BOC: variants seen among roughly 807,000 people sequenced by gnomAD.
BOC encodes BOC cell adhesion associated, oncogene regulated.
Under a neutral mutation model 112.0 loss-of-function variants are expected in BOC, and 76 were observed. The observed-to-expected ratio is 0.68, with a 90% CI of 0.56 to 0.82. BOC has a LOEUF of 0.82. BOC is among the 40% of genes least tolerant of loss of function. The pLI is 0.00. For synonymous variants in BOC, 580 were observed against 599.8 expected (o/e 0.97, Z 0.48); for missense variants, 1,309 against 1,511.7 (o/e 0.87, Z 2.22).
chr3:113,286,643 A>G (rs1949725531), intron 19 of BOC, 32 bp from the exon 20 acceptor site: 1 of 1,513,120 alleles, frequency 6.6e-7, no homozygotes, highest in Admixed American at 2.1e-5. Flanking sequence ...GTCAATCTGG[A>G]TTTTAATGGT....
intron 2 of BOC, among the ~76,000 whole-genome samples, chr3:113,235,608 G>C (rs769808949): frequency 1.3e-5 from 2 of 152,176 alleles, no homozygotes; most frequent in Non-Finnish European, 2.9e-5. Context: ...AGTGGGGGAA[G>C]GTGAAGAGGT....
At chr3:113,262,310 C>T (rs527662808) in intron 4 of BOC, among the ~76,000 whole-genome samples, 57 of 152,342 alleles carry the variant, frequency 3.7e-4, no homozygotes, top group African/African-American at 1.3e-3. Flanking sequence ...GAGAACACCA[C>T]GCTTGTGAAT....
chr3:113,255,499 A>G lies in BOC; in HGVS notation c.376+4666A>G, dbSNP rs115882990. ...ACTTTTAAGATTTTTTGATAATTTT[A>G]TTCTCCCAATTCTCCCATCATCCCT... On this transcript the variant is annotated intron_variant, in intron 4 of 19. Transcript: ENST00000682979. 5.8e-3 allele frequency among the ~76,000 whole-genome samples: 885 copies of G among 152,302 alleles called. 5 individuals are homozygous for G. The highest frequency in any genetic ancestry group is 0.02 in the African/African-American group (814 of 41,574).
chr3:113,283,499 G>C lies in BOC; in HGVS notation c.2523G>C (p.Pro841=). 1 of 1,614,006 alleles carries C rather than the reference G, an allele frequency of 6.2e-7. No individual in the cohort carries two copies. Among genetic ancestry groups the C allele is most frequent in the Non-Finnish European group, 8.5e-7 (1 of 1,179,998 alleles). ...QPPLPETIER[P]VGTGAMVARS... ...CCCTTCCTGAAACCATAGAGCGGCC[G>C]GTGGGCACTGGGGCCATGGTGGCTC... Residue 841 remains proline (P), a synonymous_variant, in exon 16 of 20, where the codon CCG becomes CCC. Coordinates refer to ENST00000682979, the MANE Select transcript of BOC (RefSeq NM_001378074.1).
intron 4 of BOC, among the ~76,000 whole-genome samples, chr3:113,255,063 G>A (rs878952805): frequency 5.3e-5 from 8 of 152,028 alleles, no homozygotes; most frequent in African/African-American, 1.7e-4. Flanking sequence ...TGCCCATCTC[G>A]CTGTCCTCTG....
In BOC at chr3:113,274,833, T is replaced by C. The variant is rs1010086477; in HGVS notation, c.1542+151T>C. ...AAACAGGCCCTTCTGTCTCCTCCAG[T>C]GTCCATCCCTGCCACCTCCCAGGAA... On this transcript the variant is annotated intron_variant, in intron 9 of 19. Transcript: ENST00000682979. This position sits in a 1 kb window ranked among gnomAD's most constrained non-coding sequence, Gnocchi z 4.8. The C allele has an allele frequency of 5.0e-6, 4 of 801,388 alleles. No individual in the cohort carries two copies. Among genetic ancestry groups the C allele is most frequent in the African/African-American group, 3.5e-5 (2 of 57,360 alleles). The allele number at this position is 801,388 out of a possible 1,614,324, so 49.6% of individuals were successfully genotyped here. A position where few individuals can be genotyped will look rare whatever the true frequency, so the allele number is the denominator to read the frequency against.
chr3:113,283,273 T>G, intron 15 of BOC, 138 bp from the exon 16 acceptor site: 4 of 830,252 alleles, frequency 4.8e-6, no homozygotes, highest in Non-Finnish European at 7.6e-6. Context: ...ACCATTCAAA[T>G]AAGAGATTTT....
At chr3:113,284,639 C>A in intron 17 of BOC, 72 bp downstream of exon 17, 1 of 1,518,680 alleles carries the variant, frequency 6.6e-7, no homozygotes, top group Non-Finnish European at 9.0e-7. Flanking sequence ...CCTTGGGGGG[C>A]CTCCTCCCTC....
Position 113,274,662 on chromosome 3 carries a change from T to A in BOC, c.1522T>A (p.Tyr508Asn), listed in dbSNP as rs747892653. 6.2e-7 allele frequency: 1 copy of A among 1,600,044 alleles called. No homozygotes were observed. The highest frequency in any genetic ancestry group is 2.2e-5 in the East Asian group (1 of 44,500). The part of the protein sequence containing the change: ...EGSGRAPILY[Y>N]VVKHRKQVTN... ...CAGTGGCCGGGCGCCAATCCTCTAC[T>A]ATGTGGTGAAACACCGCAAGGTATG... Residue 508 changes from tyrosine to asparagine, a missense_variant, in exon 9 of 20, where the codon TAT becomes AAT. Coordinates refer to ENST00000682979, the MANE Select transcript of BOC (RefSeq NM_001378074.1). This position sits in a 1 kb window ranked among gnomAD's most constrained non-coding sequence, Gnocchi z 4.8.
At chr3:113,259,095 T>C (rs769835173) in intron 4 of BOC, among the ~76,000 whole-genome samples, 2 of 152,194 alleles carry the variant, frequency 1.3e-5, no homozygotes, top group Non-Finnish European at 2.9e-5. Context: ...AGATCCGTGG[T>C]GTAAGTTCTG....
At chr3:113,222,725 C>A (rs1263068847) in intron 2 of BOC, among the ~76,000 whole-genome samples, 1 of 152,234 alleles carries the variant, frequency 6.6e-6, no homozygotes, top group South Asian at 2.1e-4. Flanking sequence ...AGCTCACACT[C>A]TCATACCACC....
At position 113,233,148 on chromosome 3, in the gene BOC, G is replaced by GGGT. The variant is rs75678874; in HGVS notation, c.-81-16573_-81-16572insGTG. ...CATGCATGAGCATGTAAAGGATTGGGGTGTGTGTGTGTGTGTGTGTGTGTG... is the reference window on the plus strand; with the variant it reads ...CATGCATGAGCATGTAAAGGATTGGGGGTGTGTGTGTGTGTGTGTGTGTGTGTG... On this transcript the variant is annotated intron_variant, in intron 2 of 19. Transcript: ENST00000682979. 1.5e-3 allele frequency among the ~76,000 whole-genome samples: 181 copies of GGGT among 124,030 alleles called. 1 individual carries two copies. The highest frequency in any genetic ancestry group is 3.9e-3 in the Middle Eastern group (1 of 254). The allele number at this position is 124,030 out of a possible 152,430, so 81.4% of individuals were successfully genotyped here.
chr3:113,249,559 A>C (rs1311345298), intron 2 of BOC, among the ~76,000 whole-genome samples, 163 bp from the exon 3 acceptor site: 1 of 152,172 alleles, frequency 6.6e-6, no homozygotes, highest in Non-Finnish European at 1.5e-5. Context: ...TTAGATGAGA[A>C]ATGGCACTAT....
In BOC at chr3:113,211,973, C is replaced by T. The variant is rs62268567; in HGVS notation, c.-213C>T. 0.15 allele frequency: 22,395 copies of T among 152,630 alleles called. 1,735 individuals carry two copies. The highest frequency in any genetic ancestry group is 0.18 in the Non-Finnish European group (12,026 of 68,308). The allele number at this position is 152,630 out of a possible 1,614,324, so 9.5% of individuals were successfully genotyped here. ...CTCCCTCGCGCCCACCACGCTGGCC[C>T]CCGGGCCCCGGCTCGCCCTTCCCAG... is the stretch of plus-strand genomic sequence containing the variant. On this transcript the variant is annotated 5_prime_UTR_variant, in exon 1 of 20. Coordinates refer to ENST00000682979, the MANE Select transcript of BOC (RefSeq NM_001378074.1).
intron 2 of BOC, among the ~76,000 whole-genome samples, chr3:113,233,097 T>C (rs1371526277): frequency 6.6e-6 from 1 of 151,828 alleles, no homozygotes; most frequent in Non-Finnish European, 1.5e-5. Flanking sequence ...TAGATTTTTA[T>C]TTGAATGCAT....
At chr3:113,227,712 A>G (rs1941893831) in intron 2 of BOC, among the ~76,000 whole-genome samples, 1 of 152,180 alleles carries the variant, frequency 6.6e-6, no homozygotes, top group South Asian at 2.1e-4. Context: ...AACTTATTCT[A>G]GTTATCCGAC....
At position 113,279,390 on chromosome 3, in the gene BOC, G is replaced by A. The variant is rs1948972163; in HGVS notation, c.1958G>A (p.Trp653Ter). The A allele has an allele frequency of 1.9e-6, 3 of 1,614,222 alleles. No homozygotes were observed. The highest frequency in any genetic ancestry group is 2.5e-6 in the Non-Finnish European group (3 of 1,180,036). Residue 653 changes from tryptophan (W) to a stop codon, truncating the protein, a stop_gained, in exon 12 of 20, where the codon TGG becomes TAG. Coordinates refer to ENST00000682979, the MANE Select transcript of BOC (RefSeq NM_001378074.1). LOFTEE classifies it high-confidence loss of function. ...AAGAAGCTAAAGAAAGTGGGAGACT[G>A]GATTCTGGCCACCAGCGCCATCCCC... The part of the protein sequence containing the change: ...EYKKLKKVGD[W>*]ILATSAIPPS...
At chr3:113,272,761 T>C in intron 7 of BOC, 58 bp downstream of exon 7, 1 of 1,573,230 alleles carries the variant, frequency 6.4e-7, no homozygotes, top group Non-Finnish European at 8.7e-7. Flanking sequence ...TGTGCAGCCT[T>C]TCTAGAAATG....
intron 2 of BOC, among the ~76,000 whole-genome samples, chr3:113,223,627 C>T (rs896012154): frequency 6.6e-6 from 1 of 152,184 alleles, no homozygotes; most frequent in Non-Finnish European, 1.5e-5. Context: ...CCTCCCCCAG[C>T]CCCTGGCAAC....
Sources: gnomAD v4.1 joint callset for allele counts (sites outside exome capture counted in the v4.1 genomes callset) on GRCh38, gnomAD v4.1.1 for gene constraint, Gnocchi (gnomAD v3.1) non-coding constraint, MANE v1.5 for transcripts, NCBI Gene and HGNC (gene_info 2026-07-23, HGNC 2026-07-21) for gene names.